Variants in RCC1 observed in about 807,000 individuals in gnomAD.
RCC1 encodes regulator of chromosome condensation.
RCC1 carries 11 observed loss-of-function variants against 44.4 expected under a neutral mutation model. The ratio of observed to expected loss-of-function variants is 0.25; its 90% confidence interval spans 0.16 to 0.41. RCC1 has a LOEUF of 0.41. Ranked by LOEUF, RCC1 falls within the 10% of genes least tolerant of loss-of-function variation. RCC1 has a pLI of 1.00. For synonymous variants in RCC1, 213 were observed against 216.5 expected (o/e 0.98, Z 0.14); for missense variants, 386 against 547.1 (o/e 0.71, Z 2.94).
At chr1:28,526,155 C>T (rs1457744136) in intron 4 of RCC1, among the ~76,000 whole-genome samples, 2 of 152,024 alleles carry the variant, frequency 1.3e-5, no homozygotes, top group Non-Finnish European at 2.9e-5. Context: ...CACTGTGATG[C>T]GCACTTGTAG....
At chr1:28,532,964 C>T (rs930143093) in intron 7 of RCC1, among the ~76,000 whole-genome samples, 1 of 151,868 alleles carries the variant, frequency 6.6e-6, no homozygotes, top group Non-Finnish European at 1.5e-5. Context: ...TACAGGCATG[C>T]GCCACCACGC....
At chr1:28,532,776 G>GA (rs1424184063) in intron 7 of RCC1, 11 of 451,542 alleles carry the variant, frequency 2.4e-5, no homozygotes, top group East Asian at 2.1e-4. Flanking sequence ...GAGTGTAGTT[G>GA]AAAAAACAGA....
chr1:28,509,210 T>C (rs543670534), intron 3 of RCC1: 51 of 278,864 alleles, frequency 1.8e-4, no homozygotes, highest in African/African-American at 1.1e-3. Flanking sequence ...TTTCACCTCA[T>C]TCATACTTTA....
intron 2 of RCC1, chr1:28,508,362 C>A: frequency 2.8e-6 from 1 of 355,404 alleles, no homozygotes; most frequent in Middle Eastern, 6.8e-4. Context: ...ATGCTCTGTT[C>A]TGTAAAAATT....
At chr1:28,526,908 AAAAAAG>A in intron 4 of RCC1, 1 of 775,678 alleles carries the variant, frequency 1.3e-6, no homozygotes. Context: ...GAAAAAAAAA[AAAAAAG>A]AAAGAAATCC....
intron 7 of RCC1, among the ~76,000 whole-genome samples, chr1:28,534,425 C>G (rs946406699): frequency 2.0e-5 from 3 of 152,178 alleles, no homozygotes; most frequent in Non-Finnish European, 4.4e-5. Context: ...TCGTGATCGC[C>G]CGCCTTGGCC....
chr1:28,515,631 T>C (rs190591794), intron 3 of RCC1, among the ~76,000 whole-genome samples: 1 of 151,366 alleles, frequency 6.6e-6, no homozygotes, highest in African/African-American at 2.4e-5. Context: ...GCAGGAAAAT[T>C]GCTTGAACCC....
intron 4 of RCC1, among the ~76,000 whole-genome samples, chr1:28,523,985 T>C (rs1012588771): frequency 1.3e-5 from 2 of 152,196 alleles, no homozygotes; most frequent in African/African-American, 4.8e-5. Context: ...CTGGCTAATT[T>C]TGTATTTTTA....
intron 5 of RCC1, 130 bp downstream of exon 5, chr1:28,530,069 A>C: frequency 1.5e-6 from 1 of 655,582 alleles, no homozygotes; most frequent in Non-Finnish European, 2.6e-6. Flanking sequence ...ACCCAGCTGG[A>C]AGGTTTCCTG....
intron 7 of RCC1, 92 bp downstream of exon 7, chr1:28,532,442 A>G: frequency 1.4e-6 from 2 of 1,387,032 alleles, no homozygotes; most frequent in Non-Finnish European, 2.0e-6. Context: ...CCCCCATGGT[A>G]CTTACTGGTG....
intron 4 of RCC1, among the ~76,000 whole-genome samples, chr1:28,517,296 G>T (rs1229923306): frequency 2.0e-5 from 3 of 152,094 alleles, no homozygotes; most frequent in African/African-American, 7.2e-5. Context: ...CCATCCTGAA[G>T]AATGGGTGTT....
At chr1:28,527,897 T>C (rs1316991988) in intron 4 of RCC1, among the ~76,000 whole-genome samples, 2 of 151,004 alleles carry the variant, frequency 1.3e-5, no homozygotes, top group Admixed American at 1.3e-4. Context: ...TAATCCTAGC[T>C]ACTCCAGAGG....
intron 3 of RCC1, among the ~76,000 whole-genome samples, chr1:28,512,216 G>C (rs1267357096): frequency 1.6e-5 from 1 of 61,476 alleles, no homozygotes; most frequent in Non-Finnish European, 3.1e-5. Context: ...CCTGACCTCA[G>C]GTGATCCACC....
intron 3 of RCC1, chr1:28,510,668 C>A (rs537856678): frequency 5.3e-5 from 8 of 152,218 alleles, no homozygotes; most frequent in Non-Finnish European, 8.8e-5. Flanking sequence ...TAGGTAAGCA[C>A]TAAGTGGGCT....
chr1:28,516,759 C>CAGAG lies in RCC1; in HGVS notation c.-104_-101dup, dbSNP rs139141175. On this transcript the variant is annotated 5_prime_UTR_variant, in exon 4 of 13. It removes the in-frame stop codon of an upstream open reading frame in the 5' UTR. Transcript: ENST00000683442. ...TGTGTAAGATCTTGGAGGAAGACAG[C>CAGAG]AGAGAGAGAGAGAGAGATCAGAGAT... 7.0e-6 allele frequency: 3 copies of CAGAG among 426,930 alleles called. No individual in the cohort carries two copies. The highest frequency in any genetic ancestry group is 3.4e-4 in the Middle Eastern group (1 of 2,956). 26.4% of individuals were successfully genotyped at this position (426,930 alleles called of 1,614,324 possible). A position where few individuals can be genotyped will look rare whatever the true frequency, so the allele number is the denominator to read the frequency against.
At chr1:28,511,827 A>AT (rs1227430423) in intron 3 of RCC1, among the ~76,000 whole-genome samples, 4 of 148,986 alleles carry the variant, frequency 2.7e-5, no homozygotes, top group Admixed American at 6.7e-5. Context: ...TGCCCGGCTA[A>AT]TTTTTTTTGC....
chr1:28,508,557 T>A, intron 2 of RCC1: 2 of 518,136 alleles, frequency 3.9e-6, no homozygotes, highest in Non-Finnish European at 7.7e-6. Context: ...CTAATGAGCA[T>A]TCCAACGTGG....
intron 3 of RCC1, among the ~76,000 whole-genome samples, chr1:28,513,230 G>A (rs939042659): frequency 2.6e-5 from 4 of 151,810 alleles, no homozygotes; most frequent in African/African-American, 7.2e-5. Context: ...GTAGAGATGG[G>A]GTTTGCGCGG....
At chr1:28,529,730 A>T (rs1663986718) in intron 4 of RCC1, 128 bp from the exon 5 acceptor site, 4 of 692,728 alleles carry the variant, frequency 5.8e-6, no homozygotes, top group Non-Finnish European at 7.7e-6. Flanking sequence ...TTCTTGGGAT[A>T]CATTTTGAGA....
Sources: allele counts gnomAD v4.1 joint callset (sites outside exome capture counted in the v4.1 genomes callset), GRCh38; gene constraint gnomAD v4.1.1; transcripts MANE v1.5; gene names NCBI Gene and HGNC (gene_info 2026-07-23, HGNC 2026-07-21).